KPNA1: variants seen among roughly 807,000 people sequenced by gnomAD.
The protein encoded by KPNA1 is importin subunit alpha-5.
In KPNA1, 10 loss-of-function variants were observed where a neutral mutation model predicts 70.5. The observed-to-expected ratio is 0.14, with a 90% confidence interval of 0.09 to 0.24. The LOEUF (loss-of-function observed/expected upper bound fraction) is 0.24, where lower values mean the gene tolerates loss of function less well. Among genes scored for constraint, KPNA1 ranks in the 10% least tolerant of loss-of-function variants. KPNA1 has a pLI of 1.00. For synonymous variants in KPNA1, 192 were observed against 221.9 expected, an observed-to-expected ratio of 0.87 and a Z score of 1.20; for missense variants, 397 against 637.9, an observed-to-expected ratio of 0.62 and a Z score of 4.07.
intron 10 of KPNA1, among the ~76,000 whole-genome samples, chr3:122,438,477 C>A (rs2076019370): frequency 6.6e-6 from 1 of 152,024 alleles, no homozygotes; most frequent in Admixed American, 6.6e-5. Context: ...ACCTCCGCCT[C>A]CTGGGTTCAA....
chr3:122,475,555 A>G (rs921632456), intron 2 of KPNA1, among the ~76,000 whole-genome samples: 1 of 152,204 alleles, frequency 6.6e-6, no homozygotes, highest in Non-Finnish European at 1.5e-5. Context: ...AATCTGGAGC[A>G]AAAATGAACA....
At chr3:122,429,860 G>A (rs1046371754) in intron 12 of KPNA1, among the ~76,000 whole-genome samples, 1 of 152,074 alleles carries the variant, frequency 6.6e-6, no homozygotes, top group African/African-American at 2.4e-5. Context: ...ACAAAATAGA[G>A]GGCCCAGACA....
chr3:122,488,888 A>G (rs1409898165), intron 2 of KPNA1, among the ~76,000 whole-genome samples: 2 of 152,166 alleles, frequency 1.3e-5, no homozygotes, highest in Non-Finnish European at 2.9e-5. Context: ...GGATTCACTT[A>G]GTTCCTTCAA....
intron 11 of KPNA1, among the ~76,000 whole-genome samples, chr3:122,436,593 T>G (rs1231666184): frequency 6.6e-6 from 1 of 152,198 alleles, no homozygotes. Flanking sequence ...CTGGAGGTGG[T>G]TCCCCTGATA....
intron 12 of KPNA1, among the ~76,000 whole-genome samples, chr3:122,431,716 T>A (rs948950671): frequency 6.6e-6 from 1 of 152,186 alleles, no homozygotes; most frequent in African/African-American, 2.4e-5. Context: ...AATTCTGCGC[T>A]TCTCTAACAG....
chr3:122,503,849 A>G (rs1037458254), intron 1 of KPNA1, among the ~76,000 whole-genome samples: 3 of 151,974 alleles, frequency 2.0e-5, no homozygotes, highest in Non-Finnish European at 2.9e-5. Context: ...GAGCTGTTTG[A>G]AAAAAAACAC....
chr3:122,503,937 G>A (rs886514019), intron 1 of KPNA1, among the ~76,000 whole-genome samples: 8 of 152,130 alleles, frequency 5.3e-5, no homozygotes, highest in African/African-American at 1.9e-4. Flanking sequence ...GTGGCTGCTG[G>A]GTGTTTTGGG....
chr3:122,464,280 C>A, intron 3 of KPNA1: 1 of 352,026 alleles, frequency 2.8e-6, no homozygotes, highest in Non-Finnish European at 5.0e-6. Context: ...GTAAATAAGA[C>A]AAGGAGCTTA....
In KPNA1 at chr3:122,463,327, G is replaced by T. The variant is rs567187430; in HGVS notation, c.337+615C>A. Among the ~76,000 whole-genome samples the T allele has an allele frequency of 9.8e-4, 140 of 143,422 alleles. No homozygotes were observed. The Middle Eastern group carries it at 0.01, about 11-fold the overall frequency. 94.1% of individuals were successfully genotyped at this position (143,422 alleles called of 152,430 possible). A position where few individuals can be genotyped will look rare whatever the true frequency, so the allele number is the denominator to read the frequency against. ...AGCGCCACTGTACTCCAGCCTGGGC[G>T]ACAGAGTGAGACTCCATCTCAAAAA... On this transcript the variant is annotated intron_variant, in intron 4 of 13. Transcript: ENST00000344337.
chr3:122,449,485 T>C, intron 9 of KPNA1, 89 bp downstream of exon 9: 2 of 1,026,824 alleles, frequency 1.9e-6, no homozygotes, highest in Non-Finnish European at 2.9e-6. Context: ...TCAATTATCA[T>C]GTACAATCCA....
At chr3:122,442,314 T>A (rs1384962055) in intron 9 of KPNA1, among the ~76,000 whole-genome samples, 198 bp from the exon 10 acceptor site, 2 of 152,190 alleles carry the variant, frequency 1.3e-5, no homozygotes, top group Non-Finnish European at 1.5e-5. Flanking sequence ...CTTATTTTAG[T>A]ACATTTGGAA....
At chr3:122,441,897 G>T in intron 10 of KPNA1, 141 bp downstream of exon 10, 2 of 738,710 alleles carry the variant, frequency 2.7e-6, no homozygotes, top group Admixed American at 4.4e-5. Context: ...GACCGCCCCC[G>T]GCCCAACATT....
intron 1 of KPNA1, among the ~76,000 whole-genome samples, chr3:122,499,659 T>C (rs754174939): frequency 1.5e-4 from 22 of 151,548 alleles, no homozygotes; most frequent in South Asian, 6.2e-4. Flanking sequence ...CTCAGGAGGC[T>C]GAAGCAGCAG....
chr3:122,466,546 C>A (rs897634928), intron 3 of KPNA1, among the ~76,000 whole-genome samples: 1 of 151,930 alleles, frequency 6.6e-6, no homozygotes, highest in Non-Finnish European at 1.5e-5. Flanking sequence ...CTAGATAGGT[C>A]TAATCCATAC....
chr3:122,508,069 C>T (rs1559769830), intron 1 of KPNA1, among the ~76,000 whole-genome samples: 1 of 151,792 alleles, frequency 6.6e-6, no homozygotes, highest in Non-Finnish European at 1.5e-5. Context: ...GAGGAGAAAA[C>T]AAAGAGTTTA....
At chr3:122,504,216 C>G (rs1292009307) in intron 1 of KPNA1, among the ~76,000 whole-genome samples, 1 of 152,166 alleles carries the variant, frequency 6.6e-6, no homozygotes, top group South Asian at 2.1e-4. Flanking sequence ...TTATTTCTCA[C>G]AGTTCTAGAG....
intron 1 of KPNA1, among the ~76,000 whole-genome samples, chr3:122,502,247 TGA>T (rs764498488): frequency 6.6e-6 from 1 of 152,226 alleles, no homozygotes; most frequent in Non-Finnish European, 1.5e-5. Context: ...AGTGATCTAC[TGA>T]GAGAGACTGA....
intron 1 of KPNA1, among the ~76,000 whole-genome samples, chr3:122,507,498 ATTATT>A (rs2076903960): frequency 6.6e-6 from 1 of 151,954 alleles, no homozygotes; most frequent in South Asian, 2.1e-4. Flanking sequence ...ATATGGAAAT[ATTATT>A]TTATCTTCCA....
chr3:122,444,727 T>C (rs2076113360), intron 9 of KPNA1, among the ~76,000 whole-genome samples: 1 of 152,198 alleles, frequency 6.6e-6, no homozygotes. Flanking sequence ...ATATTTGCTG[T>C]TCTGTGGCCT....
Sources: gnomAD v4.1 joint callset for allele counts (sites outside exome capture counted in the v4.1 genomes callset) on GRCh38, gnomAD v4.1.1 for gene constraint, MANE v1.5 for transcripts, NCBI Gene and HGNC (gene_info 2026-07-23, HGNC 2026-07-21) for gene names.